AKNAD1: variants seen among roughly 807,000 people sequenced by gnomAD.
The protein encoded by AKNAD1 is protein AKNAD1.
Under a neutral mutation model 90.8 loss-of-function variants are expected in AKNAD1, and 67 were observed. That is an observed-to-expected ratio of 0.74 (90% CI 0.61 to 0.90). The LOEUF (loss-of-function observed/expected upper bound fraction) is 0.90, where lower values mean the gene tolerates loss of function less well. Among genes scored for constraint, AKNAD1 ranks in the 40% least tolerant of loss-of-function variants. The pLI is 0.00. For synonymous variants in AKNAD1, 327 were observed against 341.4 expected, an observed-to-expected ratio of 0.96 and a Z score of 0.46; for missense variants, 957 against 975.4, an observed-to-expected ratio of 0.98 and a Z score of 0.25.
At chr1:108,822,765 T>TG (rs1342941153) in intron 13 of AKNAD1, among the ~76,000 whole-genome samples, 4 of 152,222 alleles carry the variant, frequency 2.6e-5, no homozygotes, top group South Asian at 4.1e-4. Flanking sequence ...CCTGTTCCCT[T>TG]GGCACACTTT....
chr1:108,836,367 T>G (rs1259548384), intron 7 of AKNAD1, among the ~76,000 whole-genome samples: 1 of 152,138 alleles, frequency 6.6e-6, no homozygotes, highest in African/African-American at 2.4e-5. Flanking sequence ...CTCCTGGGCT[T>G]TCAGCTGGAC....
chr1:108,840,049 A>C (rs552535758), intron 6 of AKNAD1, among the ~76,000 whole-genome samples: 1 of 152,262 alleles, frequency 6.6e-6, no homozygotes, highest in African/African-American at 2.4e-5. Context: ...GTCTTTCACT[A>C]ATATTAATTA....
intron 14 of AKNAD1, among the ~76,000 whole-genome samples, chr1:108,820,066 C>T (rs931548905): frequency 1.3e-5 from 2 of 152,138 alleles, no homozygotes; most frequent in African/African-American, 4.8e-5. Context: ...GCTCCACTGC[C>T]GCTCCCTCTT....
chr1:108,834,112 A>T (rs964323377), intron 9 of AKNAD1, among the ~76,000 whole-genome samples: 13 of 152,336 alleles, frequency 8.5e-5, no homozygotes, highest in South Asian at 2.1e-4. Context: ...CAGCTTTGGC[A>T]TCACCTGGGG....
At position 108,816,225 on chromosome 1, in the gene AKNAD1, C is replaced by A. The variant is rs577059978; in HGVS notation, c.2457G>T (p.Thr819=). 4 of 1,613,642 alleles carry A rather than the reference C, an allele frequency of 2.5e-6. No homozygotes were observed. Among genetic ancestry groups the A allele is most frequent in the African/African-American group, 2.7e-5 (2 of 75,014 alleles). The change falls in exon 16 of 16, where the codon ACG becomes ACT. Residue 819 remains threonine (T), a synonymous_variant. Coordinates refer to ENST00000370001, the MANE Select transcript of AKNAD1 (RefSeq NM_152763.5). ...GTGCTTTAGCAAGGTCTTCTGCAAT[C>A]GTTTTAATCATTTGATCTGTAGTTT... ...LKETTDQMIK[T]IAEDLAKAQR... is the part of the protein sequence containing the mutation.
intron 11 of AKNAD1, among the ~76,000 whole-genome samples, chr1:108,826,439 GAAA>G (rs34954897): frequency 6.6e-6 from 1 of 150,948 alleles, no homozygotes. Flanking sequence ...AACTATCTTT[GAAA>G]AAAAGGATCT....
intron 1 of AKNAD1, among the ~76,000 whole-genome samples, chr1:108,853,541 C>G (rs1332433640): frequency 6.6e-6 from 1 of 152,050 alleles, no homozygotes; most frequent in East Asian, 1.9e-4. Flanking sequence ...CCCACCTTCT[C>G]CATTCTGGTG....
At position 108,852,138 on chromosome 1, in the gene AKNAD1, C is replaced by T; in HGVS notation, c.527G>A (p.Arg176Lys). 6.2e-7 allele frequency: 1 copy of T among 1,614,118 alleles called. No homozygotes were observed. The highest frequency in any genetic ancestry group is 1.1e-5 in the South Asian group (1 of 91,074). ...PELTDQLNPK[R>K]DGENSNKPGS... ...AGGCTTATTGCTGTTTTCACCATCC[C>T]TTTTCGGGTTGAGTTGGTCAGTGAG... Residue 176 changes from arginine (R) to lysine (K), a missense_variant, in exon 2 of 16, where the codon AGG becomes AAG. Physicochemically the swap from Arg to Lys is conservative, Grantham distance 26. Coordinates refer to ENST00000370001, the MANE Select transcript of AKNAD1 (RefSeq NM_152763.5).
At chr1:108,839,285 A>G (rs1350430757) in intron 6 of AKNAD1, among the ~76,000 whole-genome samples, 2 of 152,132 alleles carry the variant, frequency 1.3e-5, no homozygotes, top group African/African-American at 4.8e-5. Context: ...GGAGATCAAG[A>G]CCATACTGGC....
At chr1:108,839,428 G>A (rs556951129) in intron 6 of AKNAD1, among the ~76,000 whole-genome samples, 40 of 140,762 alleles carry the variant, frequency 2.8e-4, no homozygotes, top group African/African-American at 1.0e-3. Context: ...AGCCAAGATC[G>A]CGCCACTGCA....
At chr1:108,852,935 A>G (rs990242828) in intron 1 of AKNAD1, among the ~76,000 whole-genome samples, 168 bp from the exon 2 acceptor site, 1 of 152,060 alleles carries the variant, frequency 6.6e-6, no homozygotes, top group Non-Finnish European at 1.5e-5. Context: ...TGTTAACACA[A>G]TCAGTAGAAT....
In AKNAD1 at chr1:108,852,427, C is replaced by A. The variant is rs769224939; in HGVS notation, c.238G>T (p.Ala80Ser). ...TIPLGKITENAANKKDEKEKQ... is the reference protein window; with the variant it reads ...TIPLGKITENSANKKDEKEKQ... ...TCTTTCTCGTCTTTTTTGTTGGCAG[C>A]ATTTTCAGTAATTTTACCCAGGGGT... The change falls in exon 2 of 16, where the codon GCT (alanine) becomes TCT (serine). Residue 80 changes from alanine (A) to serine (S), a missense_variant. Physicochemically the swap from Ala to Ser is moderately conservative, Grantham distance 99. Coordinates refer to ENST00000370001, the MANE Select transcript of AKNAD1 (RefSeq NM_152763.5). 9.3e-6 allele frequency: 15 copies of A among 1,613,536 alleles called. No homozygotes were observed. The East Asian group carries it at 2.9e-4, about 31-fold the overall frequency.
In AKNAD1 at chr1:108,830,603, C is replaced by T. The variant is rs776811283; in HGVS notation, c.1794G>A (p.Thr598=). 3.1e-6 allele frequency: 5 copies of T among 1,614,002 alleles called. No individual in the cohort carries two copies. The highest frequency in any genetic ancestry group is 1.1e-5 in the South Asian group (1 of 91,090). Reference sequence around the variant, plus strand: ...AGAAGGCACAGCTCGGACTGGGTGCCGTCATCTCTGCACAATCCTGCCTTC... The same window carrying T: ...AGAAGGCACAGCTCGGACTGGGTGCTGTCATCTCTGCACAATCCTGCCTTC... The part of the protein sequence containing the change: ...TPRRQDCAEM[T]APSPSCAFCR... The change falls in exon 10 of 16, where the codon ACG becomes ACA. Residue 598 remains threonine (T), a synonymous_variant. Coordinates refer to ENST00000370001, the MANE Select transcript of AKNAD1 (RefSeq NM_152763.5).
intron 10 of AKNAD1, among the ~76,000 whole-genome samples, chr1:108,827,762 C>A (rs901461834): frequency 7.0e-6 from 1 of 142,320 alleles, no homozygotes; most frequent in South Asian, 2.2e-4. Context: ...TGCAGTGAGC[C>A]GAGATCGCGC....
upstream of AKNAD1, chr1:108,857,403 A>T (rs370208107): frequency 2.0e-4 from 31 of 153,266 alleles, no homozygotes; most frequent in East Asian, 5.6e-3. Context: ...GATGACTGGG[A>T]ATCTGATGGA....
Position 108,823,669 on chromosome 1 carries a change from G to A in AKNAD1, c.1956C>T (p.Ser652=). Reference sequence around the variant, plus strand: ...TTTCAGTGCCAGAATCAGAACAGAAGCTGTGTCCTGTATCAGAATCTGAAA... The same window carrying A: ...TTTCAGTGCCAGAATCAGAACAGAAACTGTGTCCTGTATCAGAATCTGAAA... ...DSTPNSDTGH[S]FCSDSGTEMQ... is the part of the protein sequence containing the mutation. Residue 652 remains serine (S), a synonymous_variant, in exon 12 of 16, where the codon AGC becomes AGT. Transcript: ENST00000370001. 6.2e-7 allele frequency: 1 copy of A among 1,614,070 alleles called. No homozygotes were observed. The highest frequency in any genetic ancestry group is 8.5e-7 in the Non-Finnish European group (1 of 1,179,964).
intron 13 of AKNAD1, 64 bp downstream of exon 13, chr1:108,823,306 A>T (rs1430460427): frequency 7.8e-7 from 1 of 1,284,324 alleles, no homozygotes; most frequent in Non-Finnish European, 1.1e-6. Context: ...GTGTCATGTG[A>T]ATGTCCCATA....
intron 11 of AKNAD1, among the ~76,000 whole-genome samples, chr1:108,825,536 GC>G (rs1211056243): frequency 1.3e-5 from 2 of 151,542 alleles, no homozygotes; most frequent in Non-Finnish European, 2.9e-5. Context: ...ACCCTAAACA[GC>G]CTTTGTTTCT....
intron 7 of AKNAD1, among the ~76,000 whole-genome samples, chr1:108,836,256 A>ACTCCTGCACTTGTGACT: frequency 6.6e-6 from 1 of 152,312 alleles, no homozygotes; most frequent in Non-Finnish European, 1.5e-5. Context: ...CAGGTCCAAG[A>ACTCCTGCACTTGTGACT]CTAGCAGGGC....
Sources: allele counts gnomAD v4.1 joint callset (sites outside exome capture counted in the v4.1 genomes callset), GRCh38; gene constraint gnomAD v4.1.1; transcripts MANE v1.5; gene names NCBI Gene and HGNC (gene_info 2026-07-23, HGNC 2026-07-21).